Variants in STXBP5L observed in about 807,000 individuals in gnomAD.
The protein encoded by STXBP5L is syntaxin binding protein 5L.
Under a neutral mutation model 144.5 loss-of-function variants are expected in STXBP5L, and 65 were observed. The observed-to-expected ratio is 0.45, with a 90% CI of 0.37 to 0.55. The LOEUF (loss-of-function observed/expected upper bound fraction) is 0.55. STXBP5L is among the 20% of genes least tolerant of loss of function. The pLI is 0.00. For missense variants in STXBP5L, 1,298 were observed against 1,405.5 expected (o/e 0.92, Z 1.22); for synonymous variants, 505 against 469.6 (o/e 1.08, Z -0.97).
chr3:121,370,729 T>C (rs2046005511), intron 20 of STXBP5L, among the ~76,000 whole-genome samples: 1 of 152,222 alleles, frequency 6.6e-6, no homozygotes, highest in African/African-American at 2.4e-5. Flanking sequence ...CTTTATTATT[T>C]TCTGACTCTA....
At chr3:120,964,577 G>A (rs1343046621) in intron 3 of STXBP5L, among the ~76,000 whole-genome samples, 1 of 152,058 alleles carries the variant, frequency 6.6e-6, no homozygotes, top group Non-Finnish European at 1.5e-5. Flanking sequence ...GTGGTTGTGC[G>A]GTTTTGAGTG....
At chr3:120,963,798 G>C (rs918741067) in intron 3 of STXBP5L, among the ~76,000 whole-genome samples, 1 of 152,142 alleles carries the variant, frequency 6.6e-6, no homozygotes, top group African/African-American at 2.4e-5. Context: ...AAATGAATTT[G>C]GGAGGATTTC....
intron 3 of STXBP5L, among the ~76,000 whole-genome samples, chr3:121,015,000 G>A (rs759144517): frequency 6.6e-6 from 1 of 152,048 alleles, no homozygotes; most frequent in African/African-American, 2.4e-5. Flanking sequence ...AAACACAGCA[G>A]ATAGAAATTA....
intron 3 of STXBP5L, among the ~76,000 whole-genome samples, chr3:121,032,813 A>C (rs1254425197): frequency 6.2e-5 from 4 of 64,518 alleles, no homozygotes; most frequent in Admixed American, 2.0e-4. Context: ...CAAAAAACAC[A>C]TGAAAAAATG....
intron 3 of STXBP5L, among the ~76,000 whole-genome samples, chr3:120,977,849 C>T (rs889305738): frequency 6.6e-6 from 1 of 152,196 alleles, no homozygotes; most frequent in African/African-American, 2.4e-5. Context: ...AAATTCTTTT[C>T]TTTAAGAATG....
chr3:121,350,056 A>G (rs997285057), intron 20 of STXBP5L, among the ~76,000 whole-genome samples: 1 of 152,132 alleles, frequency 6.6e-6, no homozygotes, highest in Non-Finnish European at 1.5e-5. Context: ...CCTAGCCTCA[A>G]TGGTCTTTAC....
In STXBP5L at chr3:120,997,338, C is replaced by G. The variant is rs549404962; in HGVS notation, c.287+42301C>G. Among the ~76,000 whole-genome samples the G allele has an allele frequency of 4.2e-4, 64 of 152,226 alleles. 1 individual carries two copies. The highest frequency in any genetic ancestry group is 1.7e-3 in the South Asian group (8 of 4,824). ...GGGATTGTTTAGTTGAATGATAGTTCTGTTTTAAGTTCTTTGAGAATTCTC... is the reference window on the plus strand; with the variant it reads ...GGGATTGTTTAGTTGAATGATAGTTGTGTTTTAAGTTCTTTGAGAATTCTC... On this transcript the variant is annotated intron_variant, in intron 3 of 26. Transcript: ENST00000471454.
At chr3:120,976,616 A>G (rs1941056984) in intron 3 of STXBP5L, among the ~76,000 whole-genome samples, 1 of 151,648 alleles carries the variant, frequency 6.6e-6, no homozygotes, top group Non-Finnish European at 1.5e-5. Context: ...TTGCTTTTCT[A>G]GTTCTTTTAA....
intron 2 of STXBP5L, among the ~76,000 whole-genome samples, chr3:120,944,539 A>G (rs1710742999): frequency 6.6e-6 from 1 of 151,792 alleles, no homozygotes; most frequent in Admixed American, 6.6e-5. Flanking sequence ...TATTCTTTTA[A>G]CAATTTAATA....
chr3:121,097,439 G>A lies in STXBP5L; in HGVS notation c.471-17486G>A, dbSNP rs116310081. ...GTGCTCGAAACCCAGGGCCCTGGTG[G>A]GGTAGGCACCATAGGGAACCTCCTG... On this transcript the variant is annotated intron_variant, in intron 5 of 26. Transcript: ENST00000471454. 4.0e-3 allele frequency among the ~76,000 whole-genome samples: 608 copies of A among 152,310 alleles called. 1 individual carries two copies. Among genetic ancestry groups the A allele is most frequent in the African/African-American group, 0.013 (560 of 41,568 alleles).
At chr3:121,173,154 G>A (rs750940805) in intron 9 of STXBP5L, among the ~76,000 whole-genome samples, 5 of 151,800 alleles carry the variant, frequency 3.3e-5, no homozygotes, top group African/African-American at 9.7e-5. Flanking sequence ...ACAGGGAGGG[G>A]AACATCACAC....
intron 3 of STXBP5L, among the ~76,000 whole-genome samples, chr3:120,967,198 T>C (rs1309465706): frequency 2.6e-5 from 4 of 152,090 alleles, no homozygotes; most frequent in African/African-American, 9.7e-5. Context: ...TTCCATGTAG[T>C]CTGTCACCGC....
intron 3 of STXBP5L, among the ~76,000 whole-genome samples, chr3:120,989,132 G>A (rs769643354): frequency 1.1e-4 from 16 of 152,002 alleles, no homozygotes; most frequent in Non-Finnish European, 1.9e-4. Context: ...AAATGTATAA[G>A]TGCAGTTATC....
chr3:121,021,287 G>A (rs1170023520), intron 3 of STXBP5L, among the ~76,000 whole-genome samples: 1 of 152,074 alleles, frequency 6.6e-6, no homozygotes, highest in Non-Finnish European at 1.5e-5. Context: ...CTAGACCTAA[G>A]CAATGAGATA....
At chr3:121,274,426 C>G (rs1344119217) in intron 18 of STXBP5L, among the ~76,000 whole-genome samples, 1 of 152,230 alleles carries the variant, frequency 6.6e-6, no homozygotes, top group Non-Finnish European at 1.5e-5. Context: ...TGTTAAGGTC[C>G]TCAGTATTGA....
chr3:120,932,004 C>A (rs1266016380), intron 2 of STXBP5L, among the ~76,000 whole-genome samples: 1 of 152,180 alleles, frequency 6.6e-6, no homozygotes, highest in Non-Finnish European at 1.5e-5. Flanking sequence ...TAGCCTACCA[C>A]ACACTTAGCT....
chr3:121,028,131 C>G (rs900397032), intron 3 of STXBP5L, among the ~76,000 whole-genome samples: 3 of 151,956 alleles, frequency 2.0e-5, no homozygotes, highest in Admixed American at 2.0e-4. Flanking sequence ...AAAATTGTAT[C>G]TAAATTAATA....
At chr3:121,331,122 A>G (rs2044308705) in intron 20 of STXBP5L, among the ~76,000 whole-genome samples, 1 of 152,216 alleles carries the variant, frequency 6.6e-6, no homozygotes, top group Non-Finnish European at 1.5e-5. Flanking sequence ...CACAACATTA[A>G]GGAGGCATCC....
At chr3:121,228,568 C>T (rs1410292970) in intron 11 of STXBP5L, among the ~76,000 whole-genome samples, 1 of 152,170 alleles carries the variant, frequency 6.6e-6, no homozygotes, top group Admixed American at 6.6e-5. Context: ...CTCTTGCAAT[C>T]TTACTAAAAG....
Sources: allele counts gnomAD v4.1 joint callset (sites outside exome capture counted in the v4.1 genomes callset), GRCh38; gene constraint gnomAD v4.1.1; transcripts MANE v1.5; gene names NCBI Gene and HGNC (gene_info 2026-07-23, HGNC 2026-07-21).